The following CACNG2 variants were observed in gnomAD, a reference collection of about 807,000 sequenced individuals.
CACNG2 encodes voltage-dependent calcium channel gamma-2 subunit.
A neutral mutation model predicts 25.9 loss-of-function variants in CACNG2; 3 were observed. The ratio of observed to expected loss-of-function variants is 0.12; its 90% CI spans 0.05 to 0.30. The LOEUF (loss-of-function observed/expected upper bound fraction) is 0.30, where lower values mean the gene tolerates loss of function less well. Ranked by LOEUF, CACNG2 falls within the 10% of genes least tolerant of loss-of-function variation. The pLI is 1.00. For synonymous variants in CACNG2, 167 were observed against 173.3 expected (o/e 0.96, Z 0.29); for missense variants, 341 against 432.5 (o/e 0.79, Z 1.88).
At position 36,564,174 on chromosome 22, in the gene CACNG2, A is replaced by AT. The variant is rs1160695099; in HGVS notation, c.*176dup. 10 of 470,618 alleles carry AT rather than the reference A, an allele frequency of 2.1e-5. No individual in the cohort carries two copies. The African/African-American group carries it at 2.2e-4, about 11-fold the overall frequency. The allele number at this position is 470,618 out of a possible 1,614,324, so 29.2% of individuals were successfully genotyped here. A position where few individuals can be genotyped will look rare whatever the true frequency, so the allele number is the denominator to read the frequency against. Reference sequence around the variant, plus strand: ...TTCTTTTTTTTAAAATTTACTTGTTATGTTTTTTCTCTTTTTTTGTGTGTG... The same window carrying AT: ...TTCTTTTTTTTAAAATTTACTTGTTATTGTTTTTTCTCTTTTTTTGTGTGTG... On this transcript the variant is annotated 3_prime_UTR_variant, in exon 4 of 4. Coordinates refer to ENST00000300105, the MANE Select transcript of CACNG2 (RefSeq NM_006078.5). This position sits in a 1 kb window ranked among gnomAD's most constrained non-coding sequence, Gnocchi z 6.7.
intron 1 of CACNG2, among the ~76,000 whole-genome samples, chr22:36,591,767 T>C (rs1257325006): frequency 1.3e-5 from 2 of 151,928 alleles, no homozygotes; most frequent in African/African-American, 4.8e-5. Flanking sequence ...TGCAAGGAGA[T>C]GAGGCCCAGG....
At chr22:36,664,652 T>A (rs998956806) in intron 1 of CACNG2, among the ~76,000 whole-genome samples, 1 of 152,206 alleles carries the variant, frequency 6.6e-6, no homozygotes, top group Non-Finnish European at 1.5e-5. Context: ...CAAAGCCGAC[T>A]AACAAACCCG....
intron 1 of CACNG2, among the ~76,000 whole-genome samples, chr22:36,691,276 G>A (rs1430530410): frequency 1.4e-5 from 2 of 141,734 alleles, no homozygotes; most frequent in East Asian, 4.2e-4. Context: ...AAAGTAGGAT[G>A]TGGCTGGGAA....
At chr22:36,616,977 C>T (rs1936031005) in intron 1 of CACNG2, among the ~76,000 whole-genome samples, 1 of 152,166 alleles carries the variant, frequency 6.6e-6, no homozygotes, top group Admixed American at 6.5e-5. Flanking sequence ...GAAAGGGACA[C>T]AGACATTGAC....
chr22:36,633,407 G>T (rs1437727762), intron 1 of CACNG2, among the ~76,000 whole-genome samples: 1 of 152,184 alleles, frequency 6.6e-6, no homozygotes, highest in Non-Finnish European at 1.5e-5. Flanking sequence ...GCAAAGCAAA[G>T]GTTAGAGCCA....
At chr22:36,611,231 G>A (rs951036108) in intron 1 of CACNG2, among the ~76,000 whole-genome samples, 8 of 152,036 alleles carry the variant, frequency 5.3e-5, no homozygotes, top group African/African-American at 7.3e-5. Flanking sequence ...CTATAGATTC[G>A]GGCTCAAGGG....
At chr22:36,618,288 G>A (rs1936052595) in intron 1 of CACNG2, among the ~76,000 whole-genome samples, 1 of 152,232 alleles carries the variant, frequency 6.6e-6, no homozygotes, top group South Asian at 2.1e-4. Context: ...AAGTGTGCCT[G>A]CAGGGGCCCC....
At chr22:36,609,596 C>A (rs1442846974) in intron 1 of CACNG2, among the ~76,000 whole-genome samples, 1 of 109,696 alleles carries the variant, frequency 9.1e-6, no homozygotes, top group Non-Finnish European at 1.8e-5. Context: ...GGGCAGGAAT[C>A]AGCCCCCCAG....
At chr22:36,648,788 C>T (rs556584840) in intron 1 of CACNG2, among the ~76,000 whole-genome samples, 7 of 152,260 alleles carry the variant, frequency 4.6e-5, no homozygotes, top group Admixed American at 2.0e-4. Context: ...TCTTCTCTCT[C>T]CAATACCGAT....
chr22:36,637,735 C>T (rs1444838746), intron 1 of CACNG2, among the ~76,000 whole-genome samples: 1 of 152,104 alleles, frequency 6.6e-6, no homozygotes, highest in African/African-American at 2.4e-5. Flanking sequence ...TTGTCTGTTT[C>T]CTGGCCAGGT....
intron 1 of CACNG2, among the ~76,000 whole-genome samples, chr22:36,608,962 A>C (rs1465366940): frequency 6.6e-6 from 1 of 151,410 alleles, no homozygotes; most frequent in African/African-American, 2.4e-5. Context: ...AGAATGAATA[A>C]AATGTGACTC....
chr22:36,564,856 T>C lies in CACNG2; in HGVS notation c.467A>G (p.Tyr156Cys). The change falls in exon 4 of 4, where the codon TAC (tyrosine) becomes TGC (cysteine). Residue 156 changes from tyrosine to cysteine, a missense_variant. By Grantham distance (194) the Tyr-to-Cys change is radical. This residue lies in a region of CACNG2 where 169 missense variants were observed against 254.4 expected (regional missense o/e 0.66). Coordinates refer to ENST00000300105, the MANE Select transcript of CACNG2 (RefSeq NM_006078.5). This position sits in a 1 kb window ranked among gnomAD's most constrained non-coding sequence, Gnocchi z 6.7. ...GGGGTCTCCGGCATTGGCAGATATGTACACTATGATGCCAATGATGTTACT... is the reference window on the plus strand; with the variant it reads ...GGGGTCTCCGGCATTGGCAGATATGCACACTATGATGCCAATGATGTTACT... ...GLSNIIGIIV[Y>C]ISANAGDPSK... The C allele has an allele frequency of 6.2e-7, 1 of 1,613,850 alleles. No homozygotes were observed. Among genetic ancestry groups the C allele is most frequent in the Non-Finnish European group, 8.5e-7 (1 of 1,180,012 alleles).
In CACNG2 at chr22:36,660,389, C is replaced by T. The variant is rs372516661; in HGVS notation, c.211+41977G>A. On this transcript the variant is annotated intron_variant, in intron 1 of 3. Transcript: ENST00000300105. ...CTTCAGCCCTCCAGTGCCAGGCGCG[C>T]ACAGGCATATGTCACATTTCAGCAT... is the stretch of plus-strand genomic sequence containing the variant. Among the ~76,000 whole-genome samples, 18 of 152,402 alleles carry T rather than the reference C, an allele frequency of 1.2e-4. No individual in the cohort carries two copies. The East Asian group carries it at 3.3e-3, about 28-fold the overall frequency.
At position 36,656,691 on chromosome 22, in the gene CACNG2, C is replaced by T. The variant is rs138468413; in HGVS notation, c.211+45675G>A. On this transcript the variant is annotated intron_variant, in intron 1 of 3. Transcript: ENST00000300105. ...CCCTGACCTCACCTGCTCCAGGGGC[C>T]TTGGCCTCCTTGCACCTCATCAAAT... 3.3e-3 allele frequency among the ~76,000 whole-genome samples: 500 copies of T among 152,322 alleles called. 4 individuals carry two copies. Among genetic ancestry groups the T allele is most frequent in the African/African-American group, 0.011 (472 of 41,554 alleles).
At chr22:36,594,382 G>A (rs1935640791) in intron 1 of CACNG2, among the ~76,000 whole-genome samples, 1 of 152,218 alleles carries the variant, frequency 6.6e-6, no homozygotes, top group South Asian at 2.1e-4. Context: ...TATCATTTAT[G>A]TAGCACCAAT....
At chr22:36,676,544 G>A (rs555270072) in intron 1 of CACNG2, among the ~76,000 whole-genome samples, 9 of 152,256 alleles carry the variant, frequency 5.9e-5, no homozygotes, top group East Asian at 5.8e-4. Flanking sequence ...GTTTTAACTC[G>A]TTCAATTCTC....
intron 1 of CACNG2, among the ~76,000 whole-genome samples, chr22:36,693,903 G>A (rs760820746): frequency 2.6e-5 from 4 of 152,096 alleles, no homozygotes; most frequent in Non-Finnish European, 4.4e-5. Context: ...TGTTCACTGG[G>A]GTATCTCCTC....
intron 2 of CACNG2, among the ~76,000 whole-genome samples, chr22:36,574,258 T>A (rs899228187): frequency 6.6e-6 from 1 of 152,172 alleles, no homozygotes; most frequent in Non-Finnish European, 1.5e-5. Flanking sequence ...CTACTGCAGC[T>A]GATCGGAGAG....
At chr22:36,610,812 T>C (rs1374283687) in intron 1 of CACNG2, among the ~76,000 whole-genome samples, 1 of 152,118 alleles carries the variant, frequency 6.6e-6, no homozygotes, top group Non-Finnish European at 1.5e-5. Context: ...AGTTGTTGCA[T>C]ATGTGTGGGA....
Sources: gnomAD v4.1 joint callset for allele counts (sites outside exome capture counted in the v4.1 genomes callset) on GRCh38, gnomAD v4.1.1 for gene constraint, gnomAD v4.1.1 regional missense constraint, Gnocchi (gnomAD v3.1) non-coding constraint, MANE v1.5 for transcripts, NCBI Gene and HGNC (gene_info 2026-07-23, HGNC 2026-07-21) for gene names.